Variants in SLC39A6 observed in about 807,000 individuals in gnomAD.
SLC39A6 encodes the protein solute carrier family 39 member 6.
A neutral mutation model predicts 63.5 loss-of-function variants in SLC39A6; 51 were observed. That is an observed-to-expected ratio of 0.80 (90% CI 0.64 to 1.01). The LOEUF (loss-of-function observed/expected upper bound fraction) is 1.01, where lower values mean the gene tolerates loss of function less well. Ranked by LOEUF, SLC39A6 falls within the 50% of genes least tolerant of loss-of-function variation. SLC39A6 has a pLI of 0.00. For synonymous variants in SLC39A6, 318 were observed against 324.7 expected, an observed-to-expected ratio of 0.98 and a Z score of 0.22; for missense variants, 805 against 927.8, an observed-to-expected ratio of 0.87 and a Z score of 1.72.
chr18:36,127,435 A>G (rs1412799099), intron 1 of SLC39A6, among the ~76,000 whole-genome samples: 2 of 152,076 alleles, frequency 1.3e-5, no homozygotes, highest in Non-Finnish European at 2.9e-5. Context: ...GCACTTTGGG[A>G]GGCTGAGGCA....
Position 36,126,526 on chromosome 18 carries a change from C to A in SLC39A6, c.482G>T (p.Ser161Ile). The change falls in exon 2 of 10, where the codon AGC becomes ATC. Residue 161 changes from serine to isoleucine, a missense_variant. Physicochemically the swap from Ser to Ile is moderately radical, Grantham distance 142. Transcript: ENST00000269187. ...SDSSGKDPRN[S>I]QGKGAHRPEH... ...TGGTCGGTGAGCTCCTTTCCCCTGG[C>A]TGTTTCTAGGATCTTTACCTGAACT... 1 of 1,614,242 alleles carries A rather than the reference C, an allele frequency of 6.2e-7. No homozygotes were observed. Among genetic ancestry groups the A allele is most frequent in the South Asian group, 1.1e-5 (1 of 91,088 alleles).
chr18:36,126,075 G>A (rs187037960), intron 2 of SLC39A6, 144 bp downstream of exon 2: 314 of 803,648 alleles, frequency 3.9e-4, no homozygotes, highest in Middle Eastern at 1.4e-3. Context: ...TTTGTGGCAA[G>A]TGCCTTGCTG....
chr18:36,126,208 A>C lies in SLC39A6; in HGVS notation c.789+11T>G. 6.2e-7 allele frequency: 1 copy of C among 1,609,172 alleles called. No homozygotes were observed. ...CAGGTATATTAAAATAATGAACAGCACTCATCTTACCTCCTGAGGATTTTC... is the reference window on the plus strand; with the variant it reads ...CAGGTATATTAAAATAATGAACAGCCCTCATCTTACCTCCTGAGGATTTTC... On this transcript the variant is annotated intron_variant, in intron 2 of 9. Transcript: ENST00000269187.
chr18:36,127,916 A>G (rs933191482), intron 1 of SLC39A6, among the ~76,000 whole-genome samples: 5 of 152,066 alleles, frequency 3.3e-5, no homozygotes, highest in South Asian at 4.1e-4. Flanking sequence ...CCAGCCTCAA[A>G]TAAGTGTATA....
rs2089284933 is a variant in SLC39A6, at chr18:36,109,617, T to G, written c.2244A>C (p.Lys748Asn). The change falls in exon 10 of 10, where the codon AAA becomes AAC. Residue 748 changes from lysine to asparagine, a missense_variant. By Grantham distance (94) the Lys-to-Asn change is moderately conservative. Around this residue, in one of 4 missense-constraint regions of SLC39A6, gnomAD observed 145 missense variants for 227.2 expected, o/e 0.64. Coordinates refer to ENST00000269187, the MANE Select transcript of SLC39A6 (RefSeq NM_012319.4). ...IMLLISIFEHKIVFRINF is the reference protein window; with the variant it reads ...IMLLISIFEHNIVFRINF The stretch of plus-strand genomic sequence containing the variant: ...ACTAGAAATTTATACGAAACACGAT[T>G]TTATGTTCAAATATGGAAATAAGTA... The G allele has an allele frequency of 1.2e-6, 2 of 1,608,280 alleles. No homozygotes were observed. Among genetic ancestry groups the G allele is most frequent in the Admixed American group, 1.7e-5 (1 of 59,326 alleles).
At chr18:36,117,732 G>C (rs1212080328) in intron 5 of SLC39A6, among the ~76,000 whole-genome samples, 1 of 152,142 alleles carries the variant, frequency 6.6e-6, no homozygotes, top group Non-Finnish European at 1.5e-5. Flanking sequence ...GATTTTAAGA[G>C]CTTTTAAAGG....
rs1425498043 is a variant in SLC39A6, at chr18:36,116,666, GAACTTAC to G, written c.1465+1_1465+7del. On this transcript the variant is annotated splice_donor_variant and splice_donor_5th_base_variant and intron_variant, in intron 6 of 9. Transcript: ENST00000269187. LOFTEE classifies it high-confidence loss of function. ...CTCCAGCCCTAAAATTTATGCATAAGAACTTACGATCATCTGTATCTACTTTCTCCTC... is the reference window on the plus strand; with the variant it reads ...CTCCAGCCCTAAAATTTATGCATAAGGATCATCTGTATCTACTTTCTCCTC... The G allele has an allele frequency of 6.3e-7, 1 of 1,580,964 alleles. No homozygotes were observed. The highest frequency in any genetic ancestry group is 8.7e-7 in the Non-Finnish European group (1 of 1,150,800).
intron 1 of SLC39A6, among the ~76,000 whole-genome samples, chr18:36,127,546 A>G (rs2089449987): frequency 6.6e-6 from 1 of 151,998 alleles, no homozygotes; most frequent in Admixed American, 6.6e-5. Context: ...AGCTACCTTG[A>G]TCATCACCAT....
chr18:36,115,772 T>C (rs559109207), intron 6 of SLC39A6, among the ~76,000 whole-genome samples: 4 of 152,170 alleles, frequency 2.6e-5, no homozygotes, highest in African/African-American at 7.2e-5. Flanking sequence ...ACCTTGAAGA[T>C]CATGGCAAGG....
Position 36,128,251 on chromosome 18 carries a change from C to T in SLC39A6, c.-10+863G>A, listed in dbSNP as rs181185946. Among the ~76,000 whole-genome samples the T allele has an allele frequency of 8.6e-4, 131 of 152,302 alleles. 1 individual carries two copies. The highest frequency in any genetic ancestry group is 3.2e-3 in the African/African-American group (131 of 41,552). Reference sequence around the variant, plus strand: ...GTGGAGGTGATGGTGGTCAAACTCACATCTCCAGCAAAAGACGCAGACGTC... The same window carrying T: ...GTGGAGGTGATGGTGGTCAAACTCATATCTCCAGCAAAAGACGCAGACGTC... On this transcript the variant is annotated intron_variant, in intron 1 of 9. Coordinates refer to ENST00000269187, the MANE Select transcript of SLC39A6 (RefSeq NM_012319.4).
At position 36,114,464 on chromosome 18, in the gene SLC39A6, G is replaced by C; in HGVS notation, c.1476C>G (p.Gly492=). Residue 492 remains glycine, a synonymous_variant, in exon 7 of 10, where the codon GGC becomes GGG. Transcript: ENST00000269187. ...EKVDTDDRTE[G]YLRADSQEPS... ...GCTCTTGTGAGTCTGCTCGTAAATAGCCTTCAGTTCCTAGGAATAAACATA... is the reference window on the plus strand; with the variant it reads ...GCTCTTGTGAGTCTGCTCGTAAATACCCTTCAGTTCCTAGGAATAAACATA... The C allele has an allele frequency of 6.2e-7, 1 of 1,610,606 alleles. No individual in the cohort carries two copies. Among genetic ancestry groups the C allele is most frequent in the African/African-American group, 1.3e-5 (1 of 74,998 alleles).
intron 5 of SLC39A6, among the ~76,000 whole-genome samples, chr18:36,120,943 T>G (rs1158097353): frequency 6.6e-6 from 1 of 152,168 alleles, no homozygotes; most frequent in African/African-American, 2.4e-5. Flanking sequence ...CAGAATAGCT[T>G]TAAGTGTGTA....
intron 3 of SLC39A6, among the ~76,000 whole-genome samples, chr18:36,123,963 T>C (rs1272042958): frequency 1.3e-5 from 2 of 152,010 alleles, no homozygotes; most frequent in Non-Finnish European, 2.9e-5. Context: ...GGATGAACTG[T>C]AGCTCACTTA....
At position 36,118,964 on chromosome 18, in the gene SLC39A6, G is replaced by A. The variant is rs76203543; in HGVS notation, c.1360-2185C>T. ...AAAACTTGGTTGGATGTGGGGATGAGGGGGATATCAGAGATGATTCTCTAG... is the reference window on the plus strand; with the variant it reads ...AAAACTTGGTTGGATGTGGGGATGAAGGGGATATCAGAGATGATTCTCTAG... On this transcript the variant is annotated intron_variant, in intron 5 of 9. Coordinates refer to ENST00000269187, the MANE Select transcript of SLC39A6 (RefSeq NM_012319.4). Among the ~76,000 whole-genome samples, 255 of 152,282 alleles carry A rather than the reference G, an allele frequency of 1.7e-3. 5 individuals carry two copies. The East Asian group carries it at 0.043, about 26-fold the overall frequency.
intron 5 of SLC39A6, among the ~76,000 whole-genome samples, chr18:36,117,164 G>A (rs1400929735): frequency 6.6e-6 from 1 of 152,196 alleles, no homozygotes; most frequent in Admixed American, 6.5e-5. Flanking sequence ...TTGAACTCGG[G>A]AGGTGGAGGT....
rs2089400620 is a variant in SLC39A6, at chr18:36,122,236, T to C, written c.1175A>G (p.Glu392Gly). The C allele has an allele frequency of 6.2e-7, 1 of 1,614,060 alleles. No homozygotes were observed. The highest frequency in any genetic ancestry group is 8.5e-7 in the Non-Finnish European group (1 of 1,179,962). ...HASHHHSHSH[E>G]EPAMEMKRGP... ...TCTTTTCATTTCCATTGCTGGTTCT[T>C]CATGGCTATGACTATGGTGGTGACT... is the stretch of plus-strand genomic sequence containing the variant. Residue 392 changes from glutamate to glycine, a missense_variant, in exon 5 of 10, where the codon GAA becomes GGA. Coordinates refer to ENST00000269187, the MANE Select transcript of SLC39A6 (RefSeq NM_012319.4).
At chr18:36,116,531 C>G in intron 6 of SLC39A6, 143 bp downstream of exon 6, 2 of 600,852 alleles carry the variant, frequency 3.3e-6, no homozygotes, top group Non-Finnish European at 5.8e-6. Flanking sequence ...AATGTACTCA[C>G]TGGCAATATT....
At position 36,126,679 on chromosome 18, in the gene SLC39A6, CGCTCATGGTCTGAGTGAT is replaced by C; in HGVS notation, c.311_328del (p.His104_Glu109del). On this transcript the variant is annotated inframe_deletion, in exon 2 of 10. Transcript: ENST00000269187. ...TGAGTGATGCTCATGGTCTGAGTGA[CGCTCATGGTCTGAGTGAT>C]GCTCGTGGTCTGAGTGATGGTCGTG... 1.2e-6 allele frequency: 2 copies of C among 1,600,308 alleles called. No homozygotes were observed. The highest frequency in any genetic ancestry group is 1.7e-6 in the Non-Finnish European group (2 of 1,171,060).
chr18:36,113,205 C>A (rs1458303543), intron 7 of SLC39A6, among the ~76,000 whole-genome samples: 1 of 151,948 alleles, frequency 6.6e-6, no homozygotes, highest in Non-Finnish European at 1.5e-5. Context: ...AGCGTTCCAT[C>A]TACCTCAGCC....
Sources: allele counts gnomAD v4.1 joint callset (sites outside exome capture counted in the v4.1 genomes callset), GRCh38; gene constraint gnomAD v4.1.1; regional missense constraint gnomAD v4.1.1; transcripts MANE v1.5; gene names NCBI Gene and HGNC (gene_info 2026-07-23, HGNC 2026-07-21).